KIF6: variants seen among roughly 807,000 people sequenced by gnomAD.
KIF6 encodes kinesin family member 6.
In KIF6, 106 loss-of-function variants were observed where a neutral mutation model predicts 112.7. That is an observed-to-expected ratio of 0.94 (90% CI 0.80 to 1.11). The LOEUF is 1.11. KIF6 is among the 50% of genes least tolerant of loss of function. The probability of loss-of-function intolerance (pLI) is 0.00; values close to 1 mark genes in which losing one functional copy is unlikely to be tolerated. For missense variants in KIF6, 929 were observed against 964.0 expected (o/e 0.96, Z 0.48); for synonymous variants, 339 against 339.9 (o/e 1.00, Z 0.03).
chr6:39,490,951 T>A (rs148766455), intron 13 of KIF6, among the ~76,000 whole-genome samples: 154 of 152,248 alleles, frequency 1.0e-3, no homozygotes, highest in Non-Finnish European at 1.6e-3. Flanking sequence ...TCCCTAACCC[T>A]CACTACACTC....
intron 3 of KIF6, among the ~76,000 whole-genome samples, chr6:39,678,003 G>A (rs1787270530): frequency 1.3e-5 from 2 of 151,296 alleles, no homozygotes; most frequent in African/African-American, 2.4e-5. Flanking sequence ...ACGTGTGCAT[G>A]TGTCTTTATA....
At chr6:39,340,642 T>A (rs901093976) in intron 22 of KIF6, among the ~76,000 whole-genome samples, 4 of 152,096 alleles carry the variant, frequency 2.6e-5, no homozygotes, top group African/African-American at 9.7e-5. Context: ...ATGAAAACAT[T>A]TATAAATGGT....
At chr6:39,395,434 G>A (rs1156392266) in intron 15 of KIF6, among the ~76,000 whole-genome samples, 3 of 152,216 alleles carry the variant, frequency 2.0e-5, no homozygotes, top group South Asian at 4.1e-4. Context: ...TCAGGGAGCT[G>A]AGGGCTCATG....
intron 19 of KIF6, chr6:39,353,815 G>T: frequency 2.7e-6 from 1 of 368,358 alleles, no homozygotes; most frequent in South Asian, 2.7e-5. Flanking sequence ...CCGGCATGCA[G>T]CAGATGCTGG....
chr6:39,561,283 TG>T (rs1443129965), intron 10 of KIF6, among the ~76,000 whole-genome samples: 1 of 152,142 alleles, frequency 6.6e-6, no homozygotes, highest in Non-Finnish European at 1.5e-5. Context: ...TTTATGAAAG[TG>T]AGTTTAAGTC....
At chr6:39,608,740 G>A (rs1356449841) in intron 6 of KIF6, among the ~76,000 whole-genome samples, 1 of 152,186 alleles carries the variant, frequency 6.6e-6, no homozygotes, top group Non-Finnish European at 1.5e-5. Context: ...CATCTGTGAT[G>A]TTCTCAGTAC....
intron 15 of KIF6, among the ~76,000 whole-genome samples, chr6:39,406,736 T>A (rs1334736395): frequency 6.6e-6 from 1 of 152,210 alleles, no homozygotes; most frequent in Non-Finnish European, 1.5e-5. Flanking sequence ...TGGAAATGTG[T>A]TGTTTAACCT....
Position 39,378,594 on chromosome 6 carries a change from G to A in KIF6, c.1861+7028C>T, listed in dbSNP as rs1225006748. Among the ~76,000 whole-genome samples the A allele has an allele frequency of 2.0e-5, 3 of 152,092 alleles. No homozygotes were observed. In the East Asian group the frequency reaches 5.8e-4, roughly 29 times the overall value. ...GCCCATTCCTCAAGACTCAGCCCAG[G>A]CCTGTGGTCTTGGTGACAACCCCCC... On this transcript the variant is annotated intron_variant, in intron 16 of 22. Transcript: ENST00000287152. This position sits in a 1 kb window ranked among gnomAD's most constrained non-coding sequence, Gnocchi z 5.0.
In KIF6 at chr6:39,579,524, A is replaced by G. The variant is rs991078934; in HGVS notation, c.1078-1365T>C. On this transcript the variant is annotated intron_variant, in intron 9 of 22. Transcript: ENST00000287152. ...CACCTGTTTTCTCTCAATCTCTGTC[A>G]TGTTTTTCACTTTGCAGTGTTCTTT... 8.6e-5 allele frequency among the ~76,000 whole-genome samples: 13 copies of G among 152,034 alleles called. 1 individual carries two copies. The highest frequency in any genetic ancestry group is 3.1e-4 in the African/African-American group (13 of 41,492).
chr6:39,410,850 C>T lies in KIF6; in HGVS notation c.1810+9098G>A, dbSNP rs114950731. Among the ~76,000 whole-genome samples, 974 of 152,250 alleles carry T rather than the reference C, an allele frequency of 6.4e-3. 8 individuals carry two copies. Among genetic ancestry groups the T allele is most frequent in the African/African-American group, 0.022 (920 of 41,538 alleles). On this transcript the variant is annotated intron_variant, in intron 15 of 22. Transcript: ENST00000287152. ...ATATCAATTATTGCACCTGTCCTAC[C>T]TATACCCTTTTTAAAAGAGAGAGCT...
chr6:39,384,694 T>G (rs1767261743), intron 16 of KIF6, among the ~76,000 whole-genome samples: 1 of 152,214 alleles, frequency 6.6e-6, no homozygotes, highest in Non-Finnish European at 1.5e-5. Context: ...CCATTGGCCC[T>G]GGGTGCTGGA....
chr6:39,498,654 T>A (rs1247323036), intron 13 of KIF6, among the ~76,000 whole-genome samples: 1 of 152,156 alleles, frequency 6.6e-6, no homozygotes, highest in East Asian at 1.9e-4. Flanking sequence ...TAAAACTTTA[T>A]GTATAAAAAT....
intron 9 of KIF6, among the ~76,000 whole-genome samples, chr6:39,581,402 C>G (rs1274292254): frequency 2.0e-5 from 3 of 151,790 alleles, no homozygotes; most frequent in Admixed American, 1.3e-4. Context: ...GGTGATCCAC[C>G]CACTCGGCCT....
chr6:39,550,603 A>G (rs902758215), intron 10 of KIF6, among the ~76,000 whole-genome samples: 1 of 152,242 alleles, frequency 6.6e-6, no homozygotes, highest in South Asian at 2.1e-4. Flanking sequence ...TGGTAGAACC[A>G]TGGAAATTGG....
chr6:39,426,755 A>G (rs1770792432), intron 14 of KIF6, among the ~76,000 whole-genome samples: 1 of 151,784 alleles, frequency 6.6e-6, no homozygotes, highest in African/African-American at 2.4e-5. Flanking sequence ...TGTCTCTTCA[A>G]AAAAAAAGTA....
intron 10 of KIF6, among the ~76,000 whole-genome samples, chr6:39,576,016 C>A (rs1006261141): frequency 6.6e-6 from 1 of 152,170 alleles, no homozygotes; most frequent in Admixed American, 6.5e-5. Context: ...ATAGAGGGAA[C>A]CTGCAGCACA....
chr6:39,651,434 T>A (rs939829216), intron 3 of KIF6, among the ~76,000 whole-genome samples: 1 of 152,100 alleles, frequency 6.6e-6, no homozygotes, highest in African/African-American at 2.4e-5. Flanking sequence ...GTGGCTGCCG[T>A]CAGTGTGGTG....
intron 13 of KIF6, among the ~76,000 whole-genome samples, chr6:39,432,509 T>C (rs1350519515): frequency 6.6e-6 from 1 of 152,308 alleles, no homozygotes; most frequent in African/African-American, 2.4e-5. Flanking sequence ...TGATTACTCT[T>C]GATAAAAATA....
In KIF6 at chr6:39,361,745, C is replaced by T. The variant is rs1272686816; in HGVS notation, c.1946+689G>A. Among the ~76,000 whole-genome samples the T allele has an allele frequency of 3.3e-5, 5 of 150,784 alleles. No individual in the cohort carries two copies. In the South Asian group the frequency reaches 6.3e-4, roughly 19 times the overall value. The stretch of plus-strand genomic sequence containing the variant: ...CTGCCAGGAGCGACCTGAAGACCAG[C>T]GCCTGGGGCTTTGATCTCCTGGGTG... On this transcript the variant is annotated intron_variant, in intron 17 of 22. Transcript: ENST00000287152.
Sources: allele counts gnomAD v4.1 joint callset (sites outside exome capture counted in the v4.1 genomes callset), GRCh38; gene constraint gnomAD v4.1.1; non-coding constraint Gnocchi (gnomAD v3.1); transcripts MANE v1.5; gene names NCBI Gene and HGNC (gene_info 2026-07-23, HGNC 2026-07-21).